The following GRM7 variants were observed in gnomAD, a reference collection of about 807,000 sequenced individuals.
The protein encoded by GRM7 is glutamate metabotropic receptor 7.
GRM7 carries 35 observed loss-of-function variants against 84.5 expected under a neutral mutation model. The ratio of observed to expected loss-of-function variants is 0.41; its 90% CI spans 0.32 to 0.55. The LOEUF is 0.55. GRM7 is among the 20% of genes least tolerant of loss of function. GRM7 has a pLI of 0.19. For synonymous variants in GRM7, 487 were observed against 455.1 expected (o/e 1.07, Z -0.89); for missense variants, 1,003 against 1,194.6 (o/e 0.84, Z 2.36).
At chr3:7,439,438 G>A (rs1490277930) in intron 5 of GRM7, among the ~76,000 whole-genome samples, 1 of 152,172 alleles carries the variant, frequency 6.6e-6, no homozygotes, top group Non-Finnish European at 1.5e-5. Context: ...AGAAAAGGTT[G>A]ATACTCTGGC....
chr3:7,229,832 C>A (rs796236682), intron 2 of GRM7, among the ~76,000 whole-genome samples: 1 of 117,710 alleles, frequency 8.5e-6, no homozygotes, highest in Non-Finnish European at 1.7e-5. Flanking sequence ...CAGCAATCTT[C>A]CATCTTCTTT....
At position 7,662,992 on chromosome 3, in the gene GRM7, G is replaced by A. The variant is rs1030996072; in HGVS notation, c.2452-17057G>A. On this transcript the variant is annotated intron_variant, in intron 8 of 9. Transcript: ENST00000357716. ...TTAGTACTTGCTATAAATGTTGTAG[G>A]GTGCTCAGGTGATCATTGAGGTAAG... 6.6e-5 allele frequency among the ~76,000 whole-genome samples: 10 copies of A among 152,196 alleles called. No homozygotes were observed. The South Asian group carries it at 8.3e-4, about 13-fold the overall frequency.
chr3:6,893,891 T>C (rs548306816), intron 1 of GRM7: 1 of 152,252 alleles, frequency 6.6e-6, no homozygotes, highest in East Asian at 1.9e-4. Context: ...TCTGCCTATG[T>C]TTTTCTTCGG....
chr3:7,502,235 A>G (rs1282029191), intron 7 of GRM7, among the ~76,000 whole-genome samples: 2 of 152,322 alleles, frequency 1.3e-5, no homozygotes, highest in East Asian at 1.9e-4. Context: ...TCATATAACA[A>G]CAACAACTCT....
At chr3:7,250,837 T>TA (rs1269356747) in intron 2 of GRM7, among the ~76,000 whole-genome samples, 15 of 152,276 alleles carry the variant, frequency 9.9e-5, no homozygotes, top group African/African-American at 1.7e-4. Context: ...ATTATATATA[T>TA]TTTTTAATGG....
At chr3:7,709,589 C>T (rs1435614468) in intron 9 of GRM7, among the ~76,000 whole-genome samples, 3 of 151,842 alleles carry the variant, frequency 2.0e-5, no homozygotes, top group Non-Finnish European at 4.4e-5. Context: ...TCTGTGTCAA[C>T]CACAAGTTCC....
intron 1 of GRM7, among the ~76,000 whole-genome samples, chr3:7,030,555 G>A (rs189780103): frequency 6.6e-6 from 1 of 152,286 alleles, no homozygotes; most frequent in East Asian, 1.9e-4. Context: ...ATATCTATAT[G>A]TATAGGCTGG....
In GRM7 at chr3:7,740,801, C is replaced by CT. The variant is rs3840229; in HGVS notation, c.*398dup. 8.8e-3 allele frequency: 1,436 copies of CT among 163,928 alleles called. 24 individuals carry two copies. Among genetic ancestry groups the CT allele is most frequent in the East Asian group, 0.068 (396 of 5,848 alleles). The allele number at this position is 163,928 out of a possible 1,614,324, so 10.2% of individuals were successfully genotyped here. On this transcript the variant is annotated 3_prime_UTR_variant, in exon 10 of 10. Coordinates refer to ENST00000357716, the MANE Select transcript of GRM7 (RefSeq NM_000844.4). ...AATTTTCTGTACAGTTTGTGAGGAC[C>CT]TTTGCACTTTGCCATCTGATGTCGT...
chr3:7,333,818 A>G (rs534325493), intron 4 of GRM7, among the ~76,000 whole-genome samples: 1 of 152,220 alleles, frequency 6.6e-6, no homozygotes, highest in East Asian at 1.9e-4. Flanking sequence ...AATGCAAAAT[A>G]CACTGGACAG....
chr3:7,510,957 CT>C (rs1257898896), intron 7 of GRM7, among the ~76,000 whole-genome samples: 13 of 152,264 alleles, frequency 8.5e-5, no homozygotes, highest in African/African-American at 3.1e-4. Context: ...CTTTTCAGAA[CT>C]TTGCCAATCC....
chr3:6,961,557 C>G (rs1362071755), intron 1 of GRM7, among the ~76,000 whole-genome samples: 1 of 152,160 alleles, frequency 6.6e-6, no homozygotes, highest in African/African-American at 2.4e-5. Flanking sequence ...TCCACACCCT[C>G]CATCAATCGC....
intron 7 of GRM7, among the ~76,000 whole-genome samples, chr3:7,481,375 G>C (rs1699122081): frequency 6.6e-6 from 1 of 152,144 alleles, no homozygotes; most frequent in African/African-American, 2.4e-5. Flanking sequence ...TTATATGCAT[G>C]AAACACTGCA....
Position 7,657,371 on chromosome 3 carries a change from G to T in GRM7, c.2452-22678G>T, listed in dbSNP as rs184935511. Among the ~76,000 whole-genome samples, 433 of 152,356 alleles carry T rather than the reference G, an allele frequency of 2.8e-3. 7 individuals are homozygous for T. Among genetic ancestry groups the T allele is most frequent in the Middle Eastern group, 0.017 (5 of 294 alleles). On this transcript the variant is annotated intron_variant, in intron 8 of 9. Coordinates refer to ENST00000357716, the MANE Select transcript of GRM7 (RefSeq NM_000844.4). ...AATTGTATTATCAGATACAAACCCT[G>T]ATATGAACATCTGGACAGGGTTCAC...
At chr3:6,912,149 CATTA>C (rs1471066440) in intron 1 of GRM7, among the ~76,000 whole-genome samples, 6 of 152,042 alleles carry the variant, frequency 3.9e-5, no homozygotes, top group African/African-American at 1.4e-4. Flanking sequence ...TCCCACAGGA[CATTA>C]ATTGATATCA....
chr3:7,011,400 T>C (rs959884678), intron 1 of GRM7, among the ~76,000 whole-genome samples: 12 of 151,574 alleles, frequency 7.9e-5, no homozygotes, highest in East Asian at 7.8e-4. Flanking sequence ...TTATTTTTAA[T>C]AGCATTTTTA....
intron 1 of GRM7, among the ~76,000 whole-genome samples, chr3:6,885,198 AAAC>A (rs1202167310): frequency 1.3e-5 from 2 of 152,156 alleles, no homozygotes; most frequent in African/African-American, 2.4e-5. Flanking sequence ...CAGTGGTGTT[AAAC>A]AACGACTTTT....
At chr3:7,397,663 C>T (rs1173060135) in intron 4 of GRM7, among the ~76,000 whole-genome samples, 1 of 151,968 alleles carries the variant, frequency 6.6e-6, no homozygotes, top group African/African-American at 2.4e-5. Context: ...ATCACATGTA[C>T]CCCATAAATA....
At chr3:7,222,365 C>T (rs1258217744) in intron 2 of GRM7, among the ~76,000 whole-genome samples, 2 of 152,012 alleles carry the variant, frequency 1.3e-5, no homozygotes, top group South Asian at 2.1e-4. Flanking sequence ...CCAACCCCCA[C>T]CGCGAACTGA....
chr3:7,005,633 T>C (rs1695155742), intron 1 of GRM7, among the ~76,000 whole-genome samples: 1 of 152,212 alleles, frequency 6.6e-6, no homozygotes, highest in South Asian at 2.1e-4. Context: ...TGTATGATTT[T>C]AGATATTGAT....
Sources: allele counts gnomAD v4.1 joint callset (sites outside exome capture counted in the v4.1 genomes callset), GRCh38; gene constraint gnomAD v4.1.1; transcripts MANE v1.5; gene names NCBI Gene and HGNC (gene_info 2026-07-23, HGNC 2026-07-21).